CSMD1: variants seen among roughly 807,000 people sequenced by gnomAD.
CSMD1 encodes CUB and sushi domain-containing protein 1.
In CSMD1, 213 loss-of-function variants were observed where a neutral mutation model predicts 417.5. The ratio of observed to expected loss-of-function variants is 0.51; its 90% CI spans 0.46 to 0.57. CSMD1 has a LOEUF of 0.57. Among genes scored for constraint, CSMD1 ranks in the 20% least tolerant of loss-of-function variants. The pLI, the probability that CSMD1 is intolerant of heterozygous loss-of-function variation, is 0.00. For missense variants in CSMD1, 6,923 were observed against 4,529.7 expected, an observed-to-expected ratio of 1.53 and a Z score of -15.17; for synonymous variants, 2,862 against 1,736.8, an observed-to-expected ratio of 1.65 and a Z score of -16.11.
At chr8:3,196,458 A>G (rs1035154198) in intron 33 of CSMD1, among the ~76,000 whole-genome samples, 8 of 152,074 alleles carry the variant, frequency 5.3e-5, no homozygotes, top group African/African-American at 1.4e-4. Flanking sequence ...ACTCGCCCCA[A>G]ATTCTTTCTT....
At chr8:3,436,758 G>A (rs79021097) in intron 12 of CSMD1, among the ~76,000 whole-genome samples, 39 of 152,232 alleles carry the variant, frequency 2.6e-4, no homozygotes, top group East Asian at 7.7e-4. Context: ...ATTTTTAGGA[G>A]TAAGGCTTAA....
At chr8:3,179,516 G>A (rs1026683347) in intron 37 of CSMD1, among the ~76,000 whole-genome samples, 1 of 152,192 alleles carries the variant, frequency 6.6e-6, no homozygotes, top group East Asian at 1.9e-4. Context: ...GGAATAAAGA[G>A]AAATGTAGAT....
chr8:3,284,184 G>A lies in CSMD1; in HGVS notation c.4113C>T (p.Asp1371=). The A allele has an allele frequency of 1.3e-6, 2 of 1,592,850 alleles. No homozygotes were observed. Among genetic ancestry groups the A allele is most frequent in the Non-Finnish European group, 1.7e-6 (2 of 1,169,908 alleles). Residue 1371 remains aspartate (D), a synonymous_variant, in exon 26 of 70, where the codon GAC becomes GAT. Transcript: ENST00000635120. Reference sequence around the variant, plus strand: ...AGAAGCCAGACTTGCTGATGAAGAAGTCGCTGTCGAACTGCAGGGTGAGTG... The same window carrying A: ...AGAAGCCAGACTTGCTGATGAAGAAATCGCTGTCGAACTGCAGGGTGAGTG... ...FNSLTLQFDS[D]FFISKSGFSI...
chr8:4,189,444 C>A (rs571568547), intron 3 of CSMD1, among the ~76,000 whole-genome samples: 57 of 152,190 alleles, frequency 3.7e-4, no homozygotes, highest in African/African-American at 1.3e-3. Flanking sequence ...AGTAGTCCAG[C>A]AAAGTATGTT....
At chr8:3,808,396 T>C (rs992195743) in intron 5 of CSMD1, among the ~76,000 whole-genome samples, 4 of 152,160 alleles carry the variant, frequency 2.6e-5, no homozygotes, top group African/African-American at 9.7e-5. Context: ...ACAACCGTGG[T>C]AAAAAGTAAG....
chr8:4,788,516 T>C (rs1482161058), intron 1 of CSMD1: 1 of 1,415,474 alleles, frequency 7.1e-7, no homozygotes, highest in African/African-American at 1.4e-5. Flanking sequence ...GAGCAAACTG[T>C]GAGCAAGCAT....
chr8:4,589,224 T>A lies in CSMD1; in HGVS notation c.302+48118A>T, dbSNP rs185112460. On this transcript the variant is annotated intron_variant, in intron 2 of 69. Coordinates refer to ENST00000635120, the MANE Select transcript of CSMD1 (RefSeq NM_033225.6). Reference sequence around the variant, plus strand: ...ATCAGAGTTATGTAAAAGAACTACATTTTTCTATATTGGAAAATAAATCTA... The same window carrying A: ...ATCAGAGTTATGTAAAAGAACTACAATTTTCTATATTGGAAAATAAATCTA... 5.3e-5 allele frequency among the ~76,000 whole-genome samples: 8 copies of A among 152,282 alleles called. No individual in the cohort carries two copies. In the East Asian group the frequency reaches 1.5e-3, roughly 29 times the overall value.
Position 4,827,752 on chromosome 8 carries a change from C to G in CSMD1, c.85+166580G>C, listed in dbSNP as rs939076733. 2.0e-5 allele frequency among the ~76,000 whole-genome samples: 3 copies of G among 152,180 alleles called. No individual in the cohort carries two copies. In the East Asian group the frequency reaches 5.8e-4, roughly 29 times the overall value. ...GTGTTTTACTCCACTGTTATTTTCC[C>G]CCAAAGGATTTCATTAAAGATTGAA... On this transcript the variant is annotated intron_variant, in intron 1 of 69. Transcript: ENST00000635120.
chr8:4,954,139 AG>A (rs1808925410), intron 1 of CSMD1, among the ~76,000 whole-genome samples: 1 of 152,218 alleles, frequency 6.6e-6, no homozygotes, highest in Non-Finnish European at 1.5e-5. Flanking sequence ...GCCAAAGAGT[AG>A]GTTCAAATAA....
At chr8:4,459,096 G>C (rs1446000645) in intron 2 of CSMD1, among the ~76,000 whole-genome samples, 1 of 152,162 alleles carries the variant, frequency 6.6e-6, no homozygotes, top group African/African-American at 2.4e-5. Context: ...ATTCCAGCCA[G>C]GGTACGCTTC....
intron 12 of CSMD1, among the ~76,000 whole-genome samples, chr8:3,416,887 C>A (rs1173087773): frequency 6.6e-6 from 1 of 152,188 alleles, no homozygotes. Flanking sequence ...TATGAAAGTT[C>A]TTTGTATAAA....
At chr8:4,006,417 G>C (rs924722879) in intron 4 of CSMD1, among the ~76,000 whole-genome samples, 1 of 152,174 alleles carries the variant, frequency 6.6e-6, no homozygotes, top group African/African-American at 2.4e-5. Flanking sequence ...GGTGGTCCAT[G>C]CCTGTAATTC....
chr8:3,418,621 G>T (rs1427744370), intron 12 of CSMD1, among the ~76,000 whole-genome samples: 1 of 152,118 alleles, frequency 6.6e-6, no homozygotes, highest in Non-Finnish European at 1.5e-5. Context: ...CAGCTCAACA[G>T]GTCTGTCTGC....
intron 10 of CSMD1, among the ~76,000 whole-genome samples, chr8:3,523,109 T>C (rs895578341): frequency 1.3e-5 from 2 of 151,894 alleles, no homozygotes; most frequent in African/African-American, 4.8e-5. Flanking sequence ...TATAGTTACA[T>C]CTGCACATTT....
intron 32 of CSMD1, 73 bp downstream of exon 32, chr8:3,201,539 G>A: frequency 1.4e-6 from 1 of 714,480 alleles, no homozygotes; most frequent in South Asian, 2.7e-5. Flanking sequence ...CAAAGCAAAA[G>A]AAACAGACAA....
At chr8:3,521,006 G>A (rs967127940) in intron 10 of CSMD1, among the ~76,000 whole-genome samples, 1 of 152,054 alleles carries the variant, frequency 6.6e-6, no homozygotes, top group African/African-American at 2.4e-5. Flanking sequence ...CCTCTCTGGA[G>A]CATCCATTCC....
At chr8:4,256,739 G>C (rs557690462) in intron 3 of CSMD1, among the ~76,000 whole-genome samples, 5 of 152,210 alleles carry the variant, frequency 3.3e-5, no homozygotes, top group South Asian at 2.1e-4. Flanking sequence ...ACAGTTACGG[G>C]CAGTGAGGTA....
intron 2 of CSMD1, among the ~76,000 whole-genome samples, chr8:4,452,058 T>A (rs866047669): frequency 1.8e-4 from 28 of 151,902 alleles, no homozygotes; most frequent in African/African-American, 6.5e-4. Flanking sequence ...AGAGGAAGAT[T>A]AGGGGCCAGA....
chr8:4,462,603 G>A (rs145828935), intron 2 of CSMD1, among the ~76,000 whole-genome samples: 63 of 152,224 alleles, frequency 4.1e-4, no homozygotes, highest in Admixed American at 1.2e-3. Context: ...CTAGGAAACC[G>A]CATTGATCAT....
Sources: gnomAD v4.1 joint callset for allele counts (sites outside exome capture counted in the v4.1 genomes callset) on GRCh38, gnomAD v4.1.1 for gene constraint, MANE v1.5 for transcripts, NCBI Gene and HGNC (gene_info 2026-07-23, HGNC 2026-07-21) for gene names.